Variants in CYRIB observed in about 807,000 individuals in gnomAD.
CYRIB encodes the protein CYFIP-related Rac1 interactor B.
Under a neutral mutation model 44.2 loss-of-function variants are expected in CYRIB, and 8 were observed. The ratio of observed to expected loss-of-function variants is 0.18; its 90% CI spans 0.11 to 0.33. The LOEUF (loss-of-function observed/expected upper bound fraction) is 0.33. Ranked by LOEUF, CYRIB falls within the 10% of genes least tolerant of loss-of-function variation. The pLI is 1.00. For synonymous variants in CYRIB, 131 were observed against 127.2 expected, an observed-to-expected ratio of 1.03 and a Z score of -0.20; for missense variants, 185 against 382.8, an observed-to-expected ratio of 0.48 and a Z score of 4.31.
At chr8:129,942,821 A>T (rs2093816584), upstream of CYRIB, among the ~76,000 whole-genome samples, 1 of 152,136 alleles carries the variant, frequency 6.6e-6, no homozygotes, top group Non-Finnish European at 1.5e-5. Context: ...TACTATTATC[A>T]GGCCCATTTT....
chr8:130,006,594 T>TTATATATATATATATATATATATATATA, intron 1 of CYRIB, among the ~76,000 whole-genome samples: 1 of 15,322 alleles, frequency 6.5e-5, no homozygotes, highest in Non-Finnish European at 1.0e-4. Context: ...AAAACACAAA[T>TTATATATATATATATATATATATATATA]TATATATATA....
At chr8:129,889,898 T>C (rs1189554648) in intron 2 of CYRIB, among the ~76,000 whole-genome samples, 1 of 151,982 alleles carries the variant, frequency 6.6e-6, no homozygotes, top group Admixed American at 6.6e-5. Flanking sequence ...CTCAACCTAC[T>C]GAGTAGCTGA....
chr8:129,916,139 T>G (rs894539708), intron 1 of CYRIB, among the ~76,000 whole-genome samples: 2 of 152,220 alleles, frequency 1.3e-5, no homozygotes, highest in Non-Finnish European at 2.9e-5. Flanking sequence ...TCTTCTATTC[T>G]ACTTTCTTCT....
intron 1 of CYRIB, among the ~76,000 whole-genome samples, chr8:129,916,546 G>A (rs2080867084): frequency 1.3e-5 from 2 of 152,064 alleles, no homozygotes; most frequent in Non-Finnish European, 2.9e-5. Context: ...CCCCCTAACA[G>A]CCTATGCCCA....
chr8:129,916,407 C>T (rs1450472432), intron 1 of CYRIB, among the ~76,000 whole-genome samples: 1 of 151,554 alleles, frequency 6.6e-6, no homozygotes, highest in African/African-American at 2.4e-5. Context: ...CATCACTGCT[C>T]TATTAAAAAA....
chr8:129,858,741 C>T (rs1206558850), intron 5 of CYRIB, among the ~76,000 whole-genome samples: 1 of 152,082 alleles, frequency 6.6e-6, no homozygotes, highest in African/African-American at 2.4e-5. Flanking sequence ...CCCTTGGAGG[C>T]AGTCCCTAAT....
chr8:129,894,927 A>ATT (rs1167267037), intron 2 of CYRIB, among the ~76,000 whole-genome samples: 1 of 147,658 alleles, frequency 6.8e-6, no homozygotes, highest in African/African-American at 2.5e-5. Flanking sequence ...ATATATATAT[A>ATT]TATTTTTTTA....
At chr8:129,942,988 TTTTA>T (rs1183269124), upstream of CYRIB, among the ~76,000 whole-genome samples, 4 of 152,192 alleles carry the variant, frequency 2.6e-5, no homozygotes, top group Non-Finnish European at 5.9e-5. Context: ...TCTTGGAAAT[TTTTA>T]TTTATTATTA....
chr8:129,905,348 G>A (rs781329520), intron 1 of CYRIB, among the ~76,000 whole-genome samples: 9 of 152,138 alleles, frequency 5.9e-5, no homozygotes, highest in Non-Finnish European at 1.2e-4. Context: ...CTCCCAAGCG[G>A]CTAGGACTAC....
At position 129,878,310 on chromosome 8, in the gene CYRIB, T is replaced by G. The variant is rs898917132; in HGVS notation, c.73+1079A>C. ...TCTACAAAATGGAGATAGCTATAAATTGATGTGTTCATATGAACTGCCATG... is the reference window on the plus strand; with the variant it reads ...TCTACAAAATGGAGATAGCTATAAAGTGATGTGTTCATATGAACTGCCATG... On this transcript the variant is annotated intron_variant, in intron 3 of 11. Coordinates refer to ENST00000519824, the Ensembl canonical transcript of CYRIB. Among the ~76,000 whole-genome samples the G allele has an allele frequency of 1.1e-4, 16 of 152,184 alleles. 1 individual carries two copies. The highest frequency in any genetic ancestry group is 3.9e-4 in the African/African-American group (16 of 41,436).
At chr8:130,013,157 A>G (rs1319860460) in intron 1 of CYRIB, among the ~76,000 whole-genome samples, 1 of 152,226 alleles carries the variant, frequency 6.6e-6, no homozygotes, top group African/African-American at 2.4e-5. Context: ...AACAATAATC[A>G]TGGATGGTGA....
At chr8:129,955,738 T>C (rs1362221743) in intron 2 of CYRIB, among the ~76,000 whole-genome samples, 2 of 152,196 alleles carry the variant, frequency 1.3e-5, no homozygotes, top group Non-Finnish European at 2.9e-5. Context: ...TTGAGACACA[T>C]ACAAAGCGGT....
intron 1 of CYRIB, chr8:130,004,420 C>T (rs1349775023): frequency 6.6e-6 from 1 of 151,986 alleles, no homozygotes; most frequent in Non-Finnish European, 1.5e-5. Context: ...TTCACTGAGC[C>T]GAATTCAGCT....
At chr8:129,886,170 C>T (rs1328224382) in intron 2 of CYRIB, among the ~76,000 whole-genome samples, 2 of 152,118 alleles carry the variant, frequency 1.3e-5, no homozygotes, top group Non-Finnish European at 2.9e-5. Flanking sequence ...TTTCAAACTC[C>T]GATTCTTTCA....
rs978863271 is a variant in CYRIB at position 129,930,022 on chromosome 8, C to T, written c.-50+9586G>A. Among the ~76,000 whole-genome samples the T allele has an allele frequency of 5.3e-5, 8 of 152,098 alleles. No individual in the cohort carries two copies. In the South Asian group the frequency reaches 1.7e-3, roughly 32 times the overall value. ...GGTCAGGAGTTCGAGACCAGCCTGA[C>T]CAACATGGTGAAACCCCATCTCTAC... On this transcript the variant is annotated intron_variant, in intron 1 of 11. Transcript: ENST00000519824.
At chr8:129,847,501 A>T (rs2040746882) in intron 10 of CYRIB, among the ~76,000 whole-genome samples, 3 of 152,132 alleles carry the variant, frequency 2.0e-5, no homozygotes, top group Admixed American at 6.5e-5. Flanking sequence ...GGACAGAATG[A>T]GTATGTTACT....
chr8:129,920,208 T>C (rs1432429109), intron 1 of CYRIB, among the ~76,000 whole-genome samples: 1 of 152,146 alleles, frequency 6.6e-6, no homozygotes, highest in East Asian at 1.9e-4. Flanking sequence ...AAATGTCCTA[T>C]GAAGTGGTTC....
chr8:129,850,120 G>C (rs969523351), intron 9 of CYRIB: 26 of 152,420 alleles, frequency 1.7e-4, no homozygotes, highest in African/African-American at 4.6e-4. Context: ...AGATGATTAT[G>C]ATGATAGTTG....
chr8:129,863,525 A>G (rs2051225727), intron 4 of CYRIB, among the ~76,000 whole-genome samples: 1 of 138,228 alleles, frequency 7.2e-6, no homozygotes, highest in Non-Finnish European at 1.6e-5. Context: ...ACTCTGTCTT[A>G]AAAAAAAAAA....
Sources: allele counts gnomAD v4.1 joint callset (sites outside exome capture counted in the v4.1 genomes callset), GRCh38; gene constraint gnomAD v4.1.1; transcripts MANE v1.5; gene names NCBI Gene and HGNC (gene_info 2026-07-23, HGNC 2026-07-21).